The following ADAMTS3 variants were observed in gnomAD, a reference collection of about 807,000 sequenced individuals.
ADAMTS3 encodes ADAM metallopeptidase with thrombospondin type 1 motif 3.
A neutral mutation model predicts 129.0 loss-of-function variants in ADAMTS3; 73 were observed. The observed-to-expected ratio is 0.57, with a 90% CI of 0.47 to 0.69. ADAMTS3 has a LOEUF of 0.69. ADAMTS3 is among the 30% of genes least tolerant of loss of function. The pLI is 0.00. For missense variants in ADAMTS3, 1,457 were observed against 1,514.5 expected (o/e 0.96, Z 0.63); for synonymous variants, 477 against 510.8 (o/e 0.93, Z 0.89).
At chr4:72,396,957 GTC>G (rs1721740960) in intron 4 of ADAMTS3, among the ~76,000 whole-genome samples, 1 of 152,104 alleles carries the variant, frequency 6.6e-6, no homozygotes, top group Admixed American at 6.5e-5. Flanking sequence ...CCATAAAAAT[GTC>G]TGCCCTGATT....
At chr4:72,410,800 G>GTCAAATAT (rs1722167649) in intron 4 of ADAMTS3, among the ~76,000 whole-genome samples, 2 of 81,138 alleles carry the variant, frequency 2.5e-5, no homozygotes, top group Non-Finnish European at 6.0e-5. Flanking sequence ...CCAAATTAAA[G>GTCAAATAT]AGTTTCAAAA....
chr4:72,321,055 A>T (rs1001886576), intron 6 of ADAMTS3, among the ~76,000 whole-genome samples, 185 bp from the exon 7 acceptor site: 3 of 152,248 alleles, frequency 2.0e-5, no homozygotes, highest in Non-Finnish European at 4.4e-5. Flanking sequence ...TTTTAATAAT[A>T]ATCAATTTTA....
At chr4:72,477,966 CAT>C (rs1719291581) in intron 3 of ADAMTS3, among the ~76,000 whole-genome samples, 2 of 152,108 alleles carry the variant, frequency 1.3e-5, no homozygotes, top group South Asian at 4.1e-4. Flanking sequence ...TTCTTCGACA[CAT>C]ACACCCTCCC....
intron 3 of ADAMTS3, among the ~76,000 whole-genome samples, chr4:72,491,119 A>G (rs1719731465): frequency 6.6e-6 from 1 of 151,628 alleles, no homozygotes; most frequent in African/African-American, 2.4e-5. Context: ...TTTTTGGACA[A>G]TTTGTTGTTT....
intron 4 of ADAMTS3, among the ~76,000 whole-genome samples, chr4:72,384,394 C>T (rs1364882633): frequency 6.6e-6 from 1 of 152,078 alleles, no homozygotes; most frequent in Non-Finnish European, 1.5e-5. Flanking sequence ...CCACAGATAA[C>T]AGAAGATCTT....
intron 4 of ADAMTS3, among the ~76,000 whole-genome samples, chr4:72,367,394 A>G (rs1215343564): frequency 6.6e-6 from 1 of 152,170 alleles, no homozygotes; most frequent in Non-Finnish European, 1.5e-5. Context: ...ATTAACAGCA[A>G]CAAGTTTTGT....
At chr4:72,327,695 G>A (rs1016071928) in intron 5 of ADAMTS3, among the ~76,000 whole-genome samples, 4 of 152,150 alleles carry the variant, frequency 2.6e-5, no homozygotes, top group Non-Finnish European at 4.4e-5. Flanking sequence ...CCACAGATCT[G>A]CAGGCCACAA....
intron 3 of ADAMTS3, among the ~76,000 whole-genome samples, chr4:72,522,018 A>G (rs1297261390): frequency 2.0e-5 from 3 of 152,200 alleles, no homozygotes; most frequent in Non-Finnish European, 4.4e-5. Context: ...AGCAAGGAGA[A>G]CTCAAGAATT....
At chr4:72,350,871 C>G (rs1310035943) in intron 4 of ADAMTS3, among the ~76,000 whole-genome samples, 1 of 151,956 alleles carries the variant, frequency 6.6e-6, no homozygotes, top group Non-Finnish European at 1.5e-5. Context: ...CCGGACTCAG[C>G]TGAATACCAG....
At chr4:72,545,804 T>C (rs991756464) in intron 3 of ADAMTS3, among the ~76,000 whole-genome samples, 1 of 152,214 alleles carries the variant, frequency 6.6e-6, no homozygotes, top group East Asian at 1.9e-4. Context: ...ACAGCAGATA[T>C]GCAAATGTCA....
chr4:72,351,192 T>TA (rs895917017), intron 4 of ADAMTS3, among the ~76,000 whole-genome samples: 5 of 151,986 alleles, frequency 3.3e-5, no homozygotes, highest in Non-Finnish European at 7.4e-5. Flanking sequence ...TCTGGTTGTT[T>TA]AAAGCAAGAG....
intron 17 of ADAMTS3, among the ~76,000 whole-genome samples, chr4:72,299,498 G>A (rs1329559772): frequency 6.6e-6 from 1 of 152,110 alleles, no homozygotes; most frequent in Non-Finnish European, 1.5e-5. Flanking sequence ...CCTTTGTGGG[G>A]ATTTCTGGCG....
rs1214859233 is a variant in ADAMTS3, at chr4:72,281,622, T to TCAA, written c.*1511_*1513dup. ...AGGGAAACAAGTCATCAACTTAATA[T>TCAA]CAACTACTAAAAATGCAAGATGTTT... is the stretch of plus-strand genomic sequence containing the variant. On this transcript the variant is annotated 3_prime_UTR_variant, in exon 22 of 22. Coordinates refer to ENST00000286657, the MANE Select transcript of ADAMTS3 (RefSeq NM_014243.3). The TCAA allele has an allele frequency of 6.6e-6, 1 of 152,202 alleles. No homozygotes were observed. Among genetic ancestry groups the TCAA allele is most frequent in the Non-Finnish European group, 1.5e-5 (1 of 68,028 alleles). The allele number at this position is 152,202 out of a possible 1,614,324, so 9.4% of individuals were successfully genotyped here.
intron 14 of ADAMTS3, among the ~76,000 whole-genome samples, chr4:72,310,552 G>A (rs1271681766): frequency 6.6e-6 from 1 of 152,074 alleles, no homozygotes; most frequent in East Asian, 1.9e-4. Context: ...TTTAACCTGA[G>A]ATTAAATGGA....
chr4:72,311,073 C>T lies in ADAMTS3; in HGVS notation c.2030G>A (p.Ser677Asn). Residue 677 changes from serine to asparagine, a missense_variant, in exon 14 of 22, where the codon AGC (serine) becomes AAC (asparagine). Ser to Asn is a conservative substitution (Grantham distance 46). Transcript: ENST00000286657. The stretch of plus-strand genomic sequence containing the variant: ...CACACACTCTCCTCGCACACATATG[C>T]TATATGGATCTTTGTAAGAACAGTG... ...GTHCSYKDPY[S>N]ICVRGECVKV... 1 of 1,610,640 alleles carries T rather than the reference C, an allele frequency of 6.2e-7. No individual in the cohort carries two copies. The highest frequency in any genetic ancestry group is 8.5e-7 in the Non-Finnish European group (1 of 1,177,858).
In ADAMTS3 at chr4:72,388,503, G is replaced by A. The variant is rs955663633; in HGVS notation, c.661+26312C>T. Among the ~76,000 whole-genome samples the A allele has an allele frequency of 4.6e-5, 7 of 152,312 alleles. No homozygotes were observed. The East Asian group carries it at 1.2e-3, about 25-fold the overall frequency. On this transcript the variant is annotated intron_variant, in intron 4 of 21. Coordinates refer to ENST00000286657, the MANE Select transcript of ADAMTS3 (RefSeq NM_014243.3). The stretch of plus-strand genomic sequence containing the variant: ...CTGCTTTCTCAATGCATTTTCTCCA[G>A]TGTGCCCCAGTAGCTTGTGCATGTG...
chr4:72,288,918 GCACATACACA>G lies in ADAMTS3; in HGVS notation c.2932-60_2932-51del, dbSNP rs761822401. On this transcript the variant is annotated intron_variant, in intron 20 of 21. Coordinates refer to ENST00000286657, the MANE Select transcript of ADAMTS3 (RefSeq NM_014243.3). Reference sequence around the variant, plus strand: ...CAGACATTTATTGCACCAAGACCATGCACATACACACACACACACACACACACACACACAC... The same window carrying G: ...CAGACATTTATTGCACCAAGACCATGCACACACACACACACACACACACAC... 1.3e-4 allele frequency: 71 copies of G among 564,460 alleles called. No homozygotes were observed. In the African/African-American group the frequency reaches 1.5e-3, roughly 12 times the overall value. The allele number at this position is 564,460 out of a possible 1,614,324, so 35.0% of individuals were successfully genotyped here. A position where few individuals can be genotyped will look rare whatever the true frequency, so the allele number is the denominator to read the frequency against.
intron 4 of ADAMTS3, among the ~76,000 whole-genome samples, chr4:72,397,810 G>A (rs1721764956): frequency 6.6e-6 from 1 of 152,094 alleles, no homozygotes; most frequent in East Asian, 1.9e-4. Flanking sequence ...GATAATTGCA[G>A]AGCTGTGATT....
intron 3 of ADAMTS3, among the ~76,000 whole-genome samples, chr4:72,533,750 T>A (rs563341888): frequency 6.6e-6 from 1 of 152,208 alleles, no homozygotes; most frequent in East Asian, 1.9e-4. Flanking sequence ...AGCTGAAACA[T>A]CTTCCAAAGC....
Sources: allele counts gnomAD v4.1 joint callset (sites outside exome capture counted in the v4.1 genomes callset), GRCh38; gene constraint gnomAD v4.1.1; transcripts MANE v1.5; gene names NCBI Gene and HGNC (gene_info 2026-07-23, HGNC 2026-07-21).